Variants in CFAP61 observed in about 807,000 individuals in gnomAD.
CFAP61 encodes cilia and flagella associated protein 61, also known as cilia- and flagella-associated protein 61.
In CFAP61, 107 loss-of-function variants were observed where a neutral mutation model predicts 135.6. The ratio of observed to expected loss-of-function variants is 0.79; its 90% CI spans 0.67 to 0.93. The LOEUF is 0.93. CFAP61 is among the 40% of genes least tolerant of loss of function. The probability of loss-of-function intolerance (pLI) is 0.00; values close to 1 mark genes in which losing one functional copy is unlikely to be tolerated. For missense variants in CFAP61, 1,507 were observed against 1,556.2 expected (o/e 0.97, Z 0.53); for synonymous variants, 575 against 578.5 (o/e 0.99, Z 0.09).
intron 20 of CFAP61, among the ~76,000 whole-genome samples, chr20:20,254,055 TCCC>T (rs2051262274): frequency 3.3e-4 from 5 of 15,044 alleles, no homozygotes; most frequent in Admixed American, 2.8e-3. Context: ...TCCCCTCCTC[TCCC>T]CTTTCCTCCC....
chr20:20,200,163 C>G (rs1344954620), intron 17 of CFAP61, among the ~76,000 whole-genome samples: 1 of 152,252 alleles, frequency 6.6e-6, no homozygotes, highest in Non-Finnish European at 1.5e-5. Context: ...TGCTGTGTCC[C>G]AGGACAAAAG....
chr20:20,317,850 G>A (rs560645070), intron 25 of CFAP61, among the ~76,000 whole-genome samples: 3 of 152,316 alleles, frequency 2.0e-5, no homozygotes, highest in South Asian at 2.1e-4. Context: ...TGTACACCAC[G>A]CTGGAGGCCG....
At chr20:20,314,385 C>G (rs2056992063) in intron 25 of CFAP61, among the ~76,000 whole-genome samples, 4 of 137,924 alleles carry the variant, frequency 2.9e-5, no homozygotes. Flanking sequence ...GAGTGAGACC[C>G]CATCTCAAAA....
chr20:20,164,547 A>G (rs906782428), intron 11 of CFAP61, among the ~76,000 whole-genome samples: 1 of 152,216 alleles, frequency 6.6e-6, no homozygotes, highest in Non-Finnish European at 1.5e-5. Flanking sequence ...AATTTGGGTT[A>G]CTGGTTGTCT....
At chr20:20,137,138 G>A (rs2179826) in intron 8 of CFAP61, among the ~76,000 whole-genome samples, 137,276 of 152,246 alleles carry the variant, frequency 0.9, 62,708 homozygotes, top group Middle Eastern at 0.99. Context: ...TGAGCCACCT[G>A]AAGCTGGGGG....
intron 25 of CFAP61, among the ~76,000 whole-genome samples, chr20:20,314,251 G>T (rs2056985520): frequency 1.3e-5 from 2 of 150,542 alleles, no homozygotes; most frequent in South Asian, 4.2e-4. Context: ...TTAGCAGGGT[G>T]TCTTGGTGCA....
chr20:20,332,808 C>G (rs1329648225), intron 25 of CFAP61, among the ~76,000 whole-genome samples: 2 of 152,060 alleles, frequency 1.3e-5, no homozygotes, highest in African/African-American at 4.8e-5. Flanking sequence ...TTTGTAGAGA[C>G]AAGCGTCTCC....
chr20:20,064,640 A>G (rs1433322852), intron 2 of CFAP61, among the ~76,000 whole-genome samples: 1 of 152,110 alleles, frequency 6.6e-6, no homozygotes, highest in Non-Finnish European at 1.5e-5. Context: ...TAGATTGTTT[A>G]TTTCTGGAAT....
intron 17 of CFAP61, among the ~76,000 whole-genome samples, chr20:20,204,153 C>T (rs1452667450): frequency 1.3e-5 from 2 of 152,108 alleles, no homozygotes; most frequent in East Asian, 1.9e-4. Context: ...CGTGAACTCA[C>T]CTCTCTCTCA....
intron 8 of CFAP61, among the ~76,000 whole-genome samples, chr20:20,102,831 G>A (rs2048124006): frequency 6.6e-6 from 1 of 152,066 alleles, no homozygotes; most frequent in Non-Finnish European, 1.5e-5. Context: ...TGCCAGCTGT[G>A]AAAACTTGCA....
intron 26 of CFAP61, among the ~76,000 whole-genome samples, chr20:20,355,321 A>G (rs989734156): frequency 1.5e-5 from 2 of 131,374 alleles, no homozygotes; most frequent in Non-Finnish European, 3.2e-5. Context: ...AGGTAGTGAC[A>G]CTATGAGCAG....
intron 22 of CFAP61, among the ~76,000 whole-genome samples, chr20:20,287,094 C>CA (rs1251810575): frequency 6.6e-6 from 1 of 150,918 alleles, no homozygotes; most frequent in East Asian, 1.9e-4. Context: ...AATGAGAAAG[C>CA]AAAAAAGGAG....
chr20:20,204,247 TTAA>T (rs1276254855), intron 17 of CFAP61, among the ~76,000 whole-genome samples: 1 of 152,226 alleles, frequency 6.6e-6, no homozygotes, highest in Non-Finnish European at 1.5e-5. Context: ...TGGTTGCTTA[TTAA>T]TGATGGTCTG....
At chr20:20,117,468 C>T (rs1402522494) in intron 8 of CFAP61, among the ~76,000 whole-genome samples, 1 of 152,186 alleles carries the variant, frequency 6.6e-6, no homozygotes, top group East Asian at 1.9e-4. Flanking sequence ...TACACCAGTA[C>T]CATGCTAATT....
At chr20:20,151,747 G>A (rs1055816123) in intron 9 of CFAP61, among the ~76,000 whole-genome samples, 13 of 142,002 alleles carry the variant, frequency 9.2e-5, no homozygotes, top group Middle Eastern at 3.8e-3. Flanking sequence ...GGAGAATGGC[G>A]TGAACCCAGG....
intron 8 of CFAP61, among the ~76,000 whole-genome samples, chr20:20,136,030 T>A (rs1366137238): frequency 1.3e-5 from 2 of 152,202 alleles, no homozygotes; most frequent in Non-Finnish European, 2.9e-5. Flanking sequence ...GAGTTTTTCT[T>A]CTTCAGCACT....
chr20:20,078,331 T>C (rs951814811), intron 6 of CFAP61, among the ~76,000 whole-genome samples: 2 of 152,020 alleles, frequency 1.3e-5, no homozygotes, highest in African/African-American at 4.8e-5. Context: ...TTTGGTTACG[T>C]GGTAGGGAAA....
At chr20:20,096,062 C>T (rs931188818) in intron 7 of CFAP61, among the ~76,000 whole-genome samples, 6 of 152,152 alleles carry the variant, frequency 3.9e-5, no homozygotes, top group Admixed American at 3.9e-4. Context: ...ATTGAAGACA[C>T]TTGTGGTGAA....
chr20:20,319,742 A>G (rs1263350738), intron 25 of CFAP61, among the ~76,000 whole-genome samples: 1 of 152,246 alleles, frequency 6.6e-6, no homozygotes. Context: ...ATTACCATCC[A>G]TCAAGTAAGA....
Sources: allele counts gnomAD v4.1 joint callset (sites outside exome capture counted in the v4.1 genomes callset), GRCh38; gene constraint gnomAD v4.1.1; transcripts MANE v1.5; gene names NCBI Gene and HGNC (gene_info 2026-07-23, HGNC 2026-07-21).